Variants in RAP1GDS1 observed in about 807,000 individuals in gnomAD.
RAP1GDS1 encodes the protein Rap1 GTPase-GDP dissociation stimulator 1.
RAP1GDS1 carries 35 observed loss-of-function variants against 71.1 expected under a neutral mutation model. The observed-to-expected ratio is 0.49, with a 90% CI of 0.38 to 0.65. The LOEUF is 0.65. Ranked by LOEUF, RAP1GDS1 falls within the 30% of genes least tolerant of loss-of-function variation. RAP1GDS1 has a pLI of 0.00. For missense variants in RAP1GDS1, 663 were observed against 706.1 expected, an observed-to-expected ratio of 0.94 and a Z score of 0.69; for synonymous variants, 229 against 243.1, an observed-to-expected ratio of 0.94 and a Z score of 0.54.
intron 6 of RAP1GDS1, among the ~76,000 whole-genome samples, chr4:98,400,307 G>A (rs1265300566): frequency 6.6e-6 from 1 of 151,994 alleles, no homozygotes; most frequent in African/African-American, 2.4e-5. Flanking sequence ...GATCAACCTA[G>A]ATGCCTAAAT....
intron 4 of RAP1GDS1, among the ~76,000 whole-genome samples, chr4:98,373,384 C>CCTCCCTCCCTCTCCCTCTCT (rs1170379378): frequency 2.0e-5 from 3 of 150,562 alleles, no homozygotes; most frequent in East Asian, 2.0e-4. Context: ...CCTCTCTCTC[C>CCTCCCTCCCTCTCCCTCTCT]CTCCCTCCCT....
intron 5 of RAP1GDS1, among the ~76,000 whole-genome samples, chr4:98,389,197 C>T (rs532174206): frequency 6.6e-6 from 1 of 152,142 alleles, no homozygotes; most frequent in East Asian, 1.9e-4. Context: ...CTTTGTGATC[C>T]TCTGAAAGGG....
chr4:98,324,009 T>C lies in RAP1GDS1; in HGVS notation c.113-19130T>C, dbSNP rs1732471652. ...TCCCTGTTTGCAGACGACATGATTGTTTATCTAGAAAACCCCATCGTCTCA... is the reference window on the plus strand; with the variant it reads ...TCCCTGTTTGCAGACGACATGATTGCTTATCTAGAAAACCCCATCGTCTCA... On this transcript the variant is annotated intron_variant, in intron 2 of 14. Coordinates refer to ENST00000408927, the MANE Select transcript of RAP1GDS1 (RefSeq NM_001100427.2). Among the ~76,000 whole-genome samples, 2 of 150,130 alleles carry C rather than the reference T, an allele frequency of 1.3e-5. 1 individual carries two copies. The highest frequency in any genetic ancestry group is 4.3e-4 in the South Asian group (2 of 4,640).
At chr4:98,302,260 T>G (rs1477678804) in intron 2 of RAP1GDS1, among the ~76,000 whole-genome samples, 6 of 152,132 alleles carry the variant, frequency 3.9e-5, no homozygotes, top group Non-Finnish European at 8.8e-5. Flanking sequence ...AGTTATAAAT[T>G]CAGAAACTTA....
At chr4:98,378,081 G>C (rs1389234351) in intron 4 of RAP1GDS1, among the ~76,000 whole-genome samples, 1 of 151,748 alleles carries the variant, frequency 6.6e-6, no homozygotes, top group Non-Finnish European at 1.5e-5. Flanking sequence ...GTGTCTATTA[G>C]TAAATTTAAA....
At chr4:98,354,145 C>T (rs1737614513) in intron 4 of RAP1GDS1, among the ~76,000 whole-genome samples, 1 of 150,740 alleles carries the variant, frequency 6.6e-6, no homozygotes, top group Non-Finnish European at 1.5e-5. Flanking sequence ...TCACTGCAAG[C>T]TCCGCTTCCC....
chr4:98,400,487 G>A (rs764123165), intron 6 of RAP1GDS1, among the ~76,000 whole-genome samples: 1 of 142,370 alleles, frequency 7.0e-6, no homozygotes, highest in Non-Finnish European at 1.5e-5. Context: ...AACACTGTAT[G>A]TTCTCACACA....
chr4:98,438,935 ATATATT>A (rs1234755480), intron 14 of RAP1GDS1, among the ~76,000 whole-genome samples: 2 of 152,228 alleles, frequency 1.3e-5, no homozygotes, highest in East Asian at 3.9e-4. Flanking sequence ...TTTCTTCTAC[ATATATT>A]TAGAATCACG....
At chr4:98,324,799 A>C (rs932371644) in intron 2 of RAP1GDS1, among the ~76,000 whole-genome samples, 8 of 150,870 alleles carry the variant, frequency 5.3e-5, no homozygotes, top group Admixed American at 3.3e-4. Flanking sequence ...TAAACGTTAG[A>C]CCTAAAACCA....
intron 4 of RAP1GDS1, among the ~76,000 whole-genome samples, chr4:98,372,062 T>C (rs1298867622): frequency 6.6e-6 from 1 of 152,154 alleles, no homozygotes; most frequent in East Asian, 1.9e-4. Flanking sequence ...CCGAACCTAG[T>C]TGTTTTCTGA....
At chr4:98,305,748 C>T (rs1729223372) in intron 2 of RAP1GDS1, among the ~76,000 whole-genome samples, 1 of 152,132 alleles carries the variant, frequency 6.6e-6, no homozygotes. Flanking sequence ...TATAAATCTC[C>T]ATTGGTATTT....
intron 2 of RAP1GDS1, among the ~76,000 whole-genome samples, chr4:98,336,343 C>G (rs929435721): frequency 6.6e-6 from 1 of 152,052 alleles, no homozygotes; most frequent in Admixed American, 6.6e-5. Flanking sequence ...TGCTTTATGA[C>G]CTACTTAGTG....
At chr4:98,373,228 T>G (rs1251040829) in intron 4 of RAP1GDS1, among the ~76,000 whole-genome samples, 1 of 152,356 alleles carries the variant, frequency 6.6e-6, no homozygotes, top group South Asian at 2.1e-4. Flanking sequence ...ATATTTTCAC[T>G]GGGTGTAGAA....
intron 4 of RAP1GDS1, among the ~76,000 whole-genome samples, chr4:98,360,351 C>T (rs1738548183): frequency 6.6e-6 from 1 of 152,018 alleles, no homozygotes; most frequent in African/African-American, 2.4e-5. Flanking sequence ...TTGCCTTCCC[C>T]CCCAACCCCA....
At chr4:98,272,163 A>C (rs1304684030) in intron 1 of RAP1GDS1, among the ~76,000 whole-genome samples, 2 of 152,208 alleles carry the variant, frequency 1.3e-5, no homozygotes, top group African/African-American at 4.8e-5. Context: ...CAAAGATACT[A>C]CATATTGGGT....
At chr4:98,429,126 C>T (rs530687010) in intron 12 of RAP1GDS1, among the ~76,000 whole-genome samples, 5 of 152,026 alleles carry the variant, frequency 3.3e-5, no homozygotes, top group African/African-American at 9.6e-5. Context: ...GGCATGGTGG[C>T]GGGCGCCTGT....
intron 5 of RAP1GDS1, chr4:98,387,531 C>T (rs1050037487): frequency 4.4e-6 from 2 of 452,826 alleles, no homozygotes; most frequent in East Asian, 7.0e-5. Flanking sequence ...CCAGCGCATG[C>T]GTTGATTGCC....
chr4:98,382,317 AC>A (rs1742135283), intron 5 of RAP1GDS1, among the ~76,000 whole-genome samples: 1 of 151,536 alleles, frequency 6.6e-6, no homozygotes, highest in Admixed American at 6.6e-5. Context: ...ATAACACAAA[AC>A]TTTAGTAAAA....
intron 2 of RAP1GDS1, among the ~76,000 whole-genome samples, chr4:98,293,978 G>A (rs920315299): frequency 1.3e-5 from 2 of 152,064 alleles, no homozygotes; most frequent in African/African-American, 4.8e-5. Context: ...AAAATAATAT[G>A]TATGCATAGA....
Sources: allele counts gnomAD v4.1 joint callset (sites outside exome capture counted in the v4.1 genomes callset), GRCh38; gene constraint gnomAD v4.1.1; transcripts MANE v1.5; gene names NCBI Gene and HGNC (gene_info 2026-07-23, HGNC 2026-07-21).